The following CACNA2D3 variants were observed in gnomAD, a reference collection of about 807,000 sequenced individuals.
CACNA2D3 encodes the protein voltage-dependent calcium channel subunit alpha-2/delta-3.
In CACNA2D3, 60 loss-of-function variants were observed where a neutral mutation model predicts 160.6. The ratio of observed to expected loss-of-function variants is 0.37; its 90% CI spans 0.30 to 0.46. CACNA2D3 has a LOEUF of 0.46. Among genes scored for constraint, CACNA2D3 ranks in the 20% least tolerant of loss-of-function variants. CACNA2D3 has a pLI of 1.00. For synonymous variants in CACNA2D3, 558 were observed against 492.9 expected, an observed-to-expected ratio of 1.13 and a Z score of -1.75; for missense variants, 1,205 against 1,365.0, an observed-to-expected ratio of 0.88 and a Z score of 1.85.
At chr3:54,826,425 AT>A (rs1703751835) in intron 14 of CACNA2D3, among the ~76,000 whole-genome samples, 1 of 152,222 alleles carries the variant, frequency 6.6e-6, no homozygotes, top group African/African-American at 2.4e-5. Flanking sequence ...AACTAGAAGG[AT>A]TTTGGAAAAC....
chr3:55,031,552 T>A (rs1703689128), intron 35 of CACNA2D3, among the ~76,000 whole-genome samples: 2 of 152,216 alleles, frequency 1.3e-5, no homozygotes. Context: ...AATTCGTTTT[T>A]TAATGATCAG....
At chr3:54,487,037 A>G (rs371468809) in intron 4 of CACNA2D3, among the ~76,000 whole-genome samples, 16 of 152,270 alleles carry the variant, frequency 1.1e-4, no homozygotes, top group Middle Eastern at 3.4e-3. Context: ...ACTCTAGAAA[A>G]TAAGTCTTGA....
chr3:54,952,515 T>C (rs1300676226), intron 27 of CACNA2D3, among the ~76,000 whole-genome samples: 1 of 152,214 alleles, frequency 6.6e-6, no homozygotes, highest in Non-Finnish European at 1.5e-5. Flanking sequence ...AAATGTGGAC[T>C]TACCAATCTC....
chr3:54,164,796 A>C (rs1434458142), intron 2 of CACNA2D3, among the ~76,000 whole-genome samples: 1 of 152,152 alleles, frequency 6.6e-6, no homozygotes, highest in Non-Finnish European at 1.5e-5. Context: ...ACCCCTGAGC[A>C]GGACATTCCC....
At chr3:54,626,732 GAATGCAGTGACTGGAAA>G in intron 9 of CACNA2D3, 1 of 692,874 alleles carries the variant, frequency 1.4e-6, no homozygotes, top group East Asian at 2.7e-5. Flanking sequence ...AAGGGGTTCG[GAATGCAGTGACTGGAAA>G]GCAAAGCGAG....
intron 11 of CACNA2D3, among the ~76,000 whole-genome samples, chr3:54,742,819 T>C (rs1701680841): frequency 6.6e-6 from 1 of 152,232 alleles, no homozygotes. Flanking sequence ...ATACTGATCT[T>C]CCATCCATGG....
rs543580397 is a variant in CACNA2D3, at chr3:54,249,370, C to T, written c.205-71072C>T. ...TAATGTGGGTGGGCCTTGTCTAATC[C>T]ATTAAAGGCCTGAGTAGAATAAAAA... On this transcript the variant is annotated intron_variant, in intron 2 of 37. Transcript: ENST00000474759. 4.6e-5 allele frequency among the ~76,000 whole-genome samples: 7 copies of T among 152,114 alleles called. No homozygotes were observed. The East Asian group carries it at 1.4e-3, about 29-fold the overall frequency.
chr3:54,767,875 A>G (rs1368944273), intron 13 of CACNA2D3, among the ~76,000 whole-genome samples: 3 of 151,516 alleles, frequency 2.0e-5, no homozygotes, highest in Middle Eastern at 3.4e-3. Context: ...GTTGAATAAA[A>G]CAGAAATCCA....
chr3:54,301,100 C>T (rs7645884), intron 2 of CACNA2D3, among the ~76,000 whole-genome samples: 2 of 150,900 alleles, frequency 1.3e-5, no homozygotes, highest in Non-Finnish European at 3.0e-5. Flanking sequence ...ATCAAAAGAA[C>T]AAATAAATTA....
chr3:54,217,387 T>TCC (rs1701482053), intron 2 of CACNA2D3, among the ~76,000 whole-genome samples: 1 of 152,172 alleles, frequency 6.6e-6, no homozygotes, highest in Non-Finnish European at 1.5e-5. Flanking sequence ...GACACCATAG[T>TCC]AGGCTGGACA....
intron 11 of CACNA2D3, among the ~76,000 whole-genome samples, chr3:54,721,762 C>CAA (rs34393649): frequency 0.27 from 28,426 of 105,762 alleles, 3,360 homozygotes; most frequent in Middle Eastern, 0.37. Context: ...AACTCCATCT[C>CAA]AAAAAAAAAA....
chr3:54,314,390 A>G (rs968675133), intron 2 of CACNA2D3, among the ~76,000 whole-genome samples: 4 of 152,184 alleles, frequency 2.6e-5, no homozygotes, highest in African/African-American at 9.7e-5. Flanking sequence ...TCTTTTTCAT[A>G]TAATGACTTC....
intron 17 of CACNA2D3, among the ~76,000 whole-genome samples, chr3:54,867,683 A>G (rs1699434978): frequency 6.6e-6 from 1 of 152,154 alleles, no homozygotes; most frequent in Non-Finnish European, 1.5e-5. Flanking sequence ...CTTTCCCTGC[A>G]CTGGCTTCAT....
At chr3:54,862,801 G>A (rs80047161) in intron 17 of CACNA2D3, among the ~76,000 whole-genome samples, 126 of 152,256 alleles carry the variant, frequency 8.3e-4, no homozygotes, top group African/African-American at 2.9e-3. Flanking sequence ...GGCATCTTTC[G>A]AAAGTTAACA....
At chr3:54,797,866 C>A in intron 13 of CACNA2D3, among the ~76,000 whole-genome samples, 1 of 152,154 alleles carries the variant, frequency 6.6e-6, no homozygotes. Context: ...CATTGCTATG[C>A]AAATGTAAAG....
intron 3 of CACNA2D3, among the ~76,000 whole-genome samples, chr3:54,335,600 A>T (rs539027532): frequency 1.3e-5 from 2 of 152,204 alleles, no homozygotes; most frequent in East Asian, 3.9e-4. Flanking sequence ...CAAGGTCTTT[A>T]TGACCTGTAT....
At chr3:54,993,884 T>TTGTG (rs1702793913) in intron 31 of CACNA2D3, among the ~76,000 whole-genome samples, 1 of 61,806 alleles carries the variant, frequency 1.6e-5, no homozygotes. Flanking sequence ...TTGCAACTGC[T>TTGTG]AGTGTGTGTG....
At chr3:54,616,312 C>T (rs1415048917) in intron 9 of CACNA2D3, among the ~76,000 whole-genome samples, 1 of 152,166 alleles carries the variant, frequency 6.6e-6, no homozygotes, top group East Asian at 1.9e-4. Context: ...TGGAAAGAGA[C>T]TTCAGTTCCC....
At chr3:54,558,531 G>A (rs978080974) in intron 5 of CACNA2D3, among the ~76,000 whole-genome samples, 1 of 152,026 alleles carries the variant, frequency 6.6e-6, no homozygotes, top group African/African-American at 2.4e-5. Context: ...AATAAGCATA[G>A]TACCCAATTG....
Sources: allele counts gnomAD v4.1 joint callset (sites outside exome capture counted in the v4.1 genomes callset), GRCh38; gene constraint gnomAD v4.1.1; transcripts MANE v1.5; gene names NCBI Gene and HGNC (gene_info 2026-07-23, HGNC 2026-07-21).